The following CCDC81 variants were observed in gnomAD, a reference collection of about 807,000 sequenced individuals.
CCDC81 encodes the protein coiled-coil domain-containing protein 81.
Under a neutral mutation model 83.7 loss-of-function variants are expected in CCDC81, and 79 were observed. The ratio of observed to expected loss-of-function variants is 0.94; its 90% CI spans 0.79 to 1.14. The LOEUF (loss-of-function observed/expected upper bound fraction) is 1.14, where lower values mean the gene tolerates loss of function less well. Ranked by LOEUF, CCDC81 falls within the 50% of genes most tolerant of loss-of-function variation. CCDC81 has a pLI of 0.00. For missense variants in CCDC81, 791 were observed against 778.1 expected (o/e 1.02, Z -0.20); for synonymous variants, 252 against 278.1 (o/e 0.91, Z 0.93).
chr11:86,399,944 G>A lies in CCDC81; in HGVS notation c.758-734G>A, dbSNP rs532546819. Among the ~76,000 whole-genome samples, 53 of 150,436 alleles carry A rather than the reference G, an allele frequency of 3.5e-4. 1 individual carries two copies. In the South Asian group the frequency reaches 8.9e-3, roughly 25 times the overall value. On this transcript the variant is annotated intron_variant, in intron 6 of 14. Transcript: ENST00000445632. ...TCGAAGCCAGCCTGGCCGACATGGC[G>A]AAACCCCATCTCTACTACTACTACA...
intron 2 of CCDC81, among the ~76,000 whole-genome samples, chr11:86,387,314 T>C (rs999445293): frequency 1.3e-5 from 2 of 152,258 alleles, no homozygotes; most frequent in African/African-American, 4.8e-5. Flanking sequence ...CAAATCATCA[T>C]GGACCAATGT....
In CCDC81 at chr11:86,397,742, G is replaced by A; in HGVS notation, c.757G>A (p.Asp253Asn). The part of the protein sequence containing the change: ...DQSDKEEGTR[D>N]ISSPKRLRDR... ...GTCAGACAAAGAAGAAGGCACCAGA[G>A]GTAGGCCAATGATTTCTGGGTCCAA... The change falls in exon 6 of 15, where the codon GAT (aspartate) becomes AAT (asparagine). Residue 253 changes from aspartate to asparagine, a missense_variant and splice_region_variant. Coordinates refer to ENST00000445632, the MANE Select transcript of CCDC81 (RefSeq NM_001156474.2). 6.2e-7 allele frequency: 1 copy of A among 1,611,866 alleles called. No individual in the cohort carries two copies. The highest frequency in any genetic ancestry group is 1.1e-5 in the South Asian group (1 of 90,654).
rs991133417 is a variant in CCDC81, at chr11:86,411,484, G to C, written c.1219-903G>C. ...ATGTACCGTTTCTTGCTCATTGTCT[G>C]TCTCCTGCATCAGCATGCAGGCTTG... On this transcript the variant is annotated intron_variant, in intron 10 of 14. Transcript: ENST00000445632. Among the ~76,000 whole-genome samples the C allele has an allele frequency of 2.6e-5, 4 of 152,192 alleles. No homozygotes were observed. In the East Asian group the frequency reaches 5.8e-4, roughly 22 times the overall value.
At chr11:86,376,491 G>A (rs529342356) in intron 1 of CCDC81, among the ~76,000 whole-genome samples, 1 of 152,232 alleles carries the variant, frequency 6.6e-6, no homozygotes, top group South Asian at 2.1e-4. Flanking sequence ...GAGAGAGAGA[G>A]AGAGAGAAGC....
chr11:86,378,096 G>A (rs1948123662), intron 1 of CCDC81, among the ~76,000 whole-genome samples: 1 of 144,794 alleles, frequency 6.9e-6, no homozygotes, highest in African/African-American at 2.5e-5. Context: ...TATTTATATG[G>A]GTCTATTCCT....
At chr11:86,375,779 T>C (rs1948090906) in intron 1 of CCDC81, among the ~76,000 whole-genome samples, 1 of 152,200 alleles carries the variant, frequency 6.6e-6, no homozygotes, top group African/African-American at 2.4e-5. Flanking sequence ...AGATCTGTTT[T>C]TAGCATCGTT....
chr11:86,399,868 A>T (rs982326365), intron 6 of CCDC81, among the ~76,000 whole-genome samples: 2 of 151,874 alleles, frequency 1.3e-5, no homozygotes, highest in African/African-American at 4.8e-5. Context: ...CACGCCTGTA[A>T]TCCCAGCACT....
In CCDC81 at chr11:86,408,205, G is replaced by C. The variant is rs367557953; in HGVS notation, c.1048G>C (p.Glu350Gln). ...YYSEERRREI[E>Q]DERLIQQYQM... is the part of the protein sequence containing the mutation. ...CAGTGAGGAAAGGAGGAGAGAGATA[G>C]AAGATGAGAGACTCATACAGCAGTA... Residue 350 changes from glutamate to glutamine, a missense_variant, in exon 9 of 15, where the codon GAA becomes CAA. Glu to Gln is a conservative substitution (Grantham distance 29). Transcript: ENST00000445632. 26 of 1,613,934 alleles carry C rather than the reference G, an allele frequency of 1.6e-5. No individual in the cohort carries two copies. The East Asian group carries it at 4.9e-4, about 30-fold the overall frequency.
At chr11:86,408,384 A>C in intron 9 of CCDC81, 114 bp downstream of exon 9, 1 of 996,068 alleles carries the variant, frequency 1.0e-6, no homozygotes, top group Non-Finnish European at 1.4e-6. Flanking sequence ...CCAGGTTGGA[A>C]TGCAGTGGCA....
intron 3 of CCDC81, among the ~76,000 whole-genome samples, chr11:86,392,078 A>G (rs1310540083): frequency 6.6e-6 from 1 of 152,116 alleles, no homozygotes; most frequent in Non-Finnish European, 1.5e-5. Flanking sequence ...TGATCCAATC[A>G]CCTCCCAATA....
At chr11:86,379,156 G>A (rs1285286907) in intron 1 of CCDC81, among the ~76,000 whole-genome samples, 1 of 151,664 alleles carries the variant, frequency 6.6e-6, no homozygotes, top group Non-Finnish European at 1.5e-5. Context: ...GAGTGCAGTG[G>A]TGTGATCTTG....
intron 11 of CCDC81, among the ~76,000 whole-genome samples, chr11:86,412,939 C>T (rs1323682540): frequency 2.0e-5 from 3 of 152,088 alleles, no homozygotes; most frequent in South Asian, 4.1e-4. Context: ...TGTTAGTCAG[C>T]GCAATAGACC....
Position 86,409,787 on chromosome 11 carries a change from G to A in CCDC81, c.1218+422G>A, listed in dbSNP as rs1565768819. Among the ~76,000 whole-genome samples, 4 of 152,300 alleles carry A rather than the reference G, an allele frequency of 2.6e-5. No homozygotes were observed. The South Asian group carries it at 6.2e-4, about 24-fold the overall frequency. ...TTTTTAAGCAGCGGAGTTGAAAAGT[G>A]GGTGGTGCAGTTTGAAGCTTTCTTC... On this transcript the variant is annotated intron_variant, in intron 10 of 14. Coordinates refer to ENST00000445632, the MANE Select transcript of CCDC81 (RefSeq NM_001156474.2).
intron 2 of CCDC81, 144 bp from the exon 3 acceptor site, chr11:86,387,372 C>T (rs1375564717): frequency 3.0e-6 from 2 of 665,336 alleles, no homozygotes; most frequent in South Asian, 1.9e-5. Flanking sequence ...TTATAAAATG[C>T]TATAGCTCTG....
At chr11:86,418,531 T>C (rs1593945055) in intron 13 of CCDC81, among the ~76,000 whole-genome samples, 1 of 152,300 alleles carries the variant, frequency 6.6e-6, no homozygotes, top group South Asian at 2.1e-4. Context: ...GAATTGTTAT[T>C]CACTTTTAAA....
In CCDC81 at chr11:86,400,808, C is replaced by G; in HGVS notation, c.881+7C>G. The G allele has an allele frequency of 6.3e-7, 1 of 1,583,386 alleles. No individual in the cohort carries two copies. Among genetic ancestry groups the G allele is most frequent in the East Asian group, 2.3e-5 (1 of 44,168 alleles). ...AGATTATGACCCCTGAAAGGTAATG[C>G]ATTGACTTTTTTTTTTCTGTTGTAC... On this transcript the variant is annotated splice_region_variant and intron_variant, in intron 7 of 14. Transcript: ENST00000445632.
intron 1 of CCDC81, among the ~76,000 whole-genome samples, chr11:86,383,367 G>T (rs1313167579): frequency 6.6e-6 from 1 of 152,238 alleles, no homozygotes; most frequent in South Asian, 2.1e-4. Flanking sequence ...AAACATATCT[G>T]TTTTTTGACA....
intron 4 of CCDC81, 164 bp from the exon 5 acceptor site, chr11:86,395,170 G>A (rs1021465804): frequency 1.3e-5 from 7 of 546,310 alleles, no homozygotes; most frequent in African/African-American, 1.2e-4. Flanking sequence ...TGATGAATGA[G>A]ATCATTCCTC....
intron 1 of CCDC81, among the ~76,000 whole-genome samples, chr11:86,384,339 T>C (rs1948212402): frequency 6.6e-6 from 1 of 151,890 alleles, no homozygotes; most frequent in African/African-American, 2.4e-5. Flanking sequence ...GGGAACAAGG[T>C]AGGGTGGGCA....
Sources: gnomAD v4.1 joint callset for allele counts (sites outside exome capture counted in the v4.1 genomes callset) on GRCh38, gnomAD v4.1.1 for gene constraint, MANE v1.5 for transcripts, NCBI Gene and HGNC (gene_info 2026-07-23, HGNC 2026-07-21) for gene names.